The following SUPT5H variants were observed in gnomAD, a reference collection of about 807,000 sequenced individuals.
The protein encoded by SUPT5H is SPT5 homolog, DSIF elongation factor subunit, also known as transcription elongation factor SPT5.
A neutral mutation model predicts 142.5 loss-of-function variants in SUPT5H; 24 were observed. The ratio of observed to expected loss-of-function variants is 0.17; its 90% CI spans 0.12 to 0.24. The LOEUF (loss-of-function observed/expected upper bound fraction) is 0.24, where lower values mean the gene tolerates loss of function less well. SUPT5H is among the 10% of genes least tolerant of loss of function. SUPT5H has a pLI of 1.00. For missense variants in SUPT5H, 893 were observed against 1,471.8 expected, an observed-to-expected ratio of 0.61 and a Z score of 6.43; for synonymous variants, 546 against 553.0, an observed-to-expected ratio of 0.99 and a Z score of 0.18.
intron 10 of SUPT5H, among the ~76,000 whole-genome samples, chr19:39,461,967 C>G (rs2079168983): frequency 6.6e-6 from 1 of 151,714 alleles, no homozygotes; most frequent in Admixed American, 6.6e-5. Flanking sequence ...GAGTTTCACT[C>G]TTGTTGCCCA....
At chr19:39,456,235 CTTTTTTTTTTTA>C (rs2079087744) in intron 3 of SUPT5H, among the ~76,000 whole-genome samples, 1 of 135,300 alleles carries the variant, frequency 7.4e-6, no homozygotes, top group African/African-American at 2.7e-5. Context: ...TTTCTTTTTT[CTTTTTTTTTTTA>C]AAGACAGGAT....
Position 39,473,169 on chromosome 19 carries a change from G to A in SUPT5H, c.2259-34G>A, listed in dbSNP as rs200817619. Reference sequence around the variant, plus strand: ...TGGGGCTTGCTAGGCAGTGAGAGGGGTCTGCTCACCCCATTTGTTCTCTGC... The same window carrying A: ...TGGGGCTTGCTAGGCAGTGAGAGGGATCTGCTCACCCCATTTGTTCTCTGC... On this transcript the variant is annotated intron_variant, in intron 23 of 29. Coordinates refer to ENST00000432763, the MANE Select transcript of SUPT5H (RefSeq NM_001111020.3). The surrounding 1 kb of genome is among the most constrained non-coding windows in gnomAD (Gnocchi z 5.8). 10 of 1,610,744 alleles carry A rather than the reference G, an allele frequency of 6.2e-6. No homozygotes were observed. Among genetic ancestry groups the A allele is most frequent in the African/African-American group, 1.3e-5 (1 of 74,900 alleles).
intron 20 of SUPT5H, chr19:39,471,949 T>C: frequency 3.0e-6 from 2 of 675,592 alleles, no homozygotes; most frequent in Non-Finnish European, 4.7e-6. Context: ...GAGCACCTGT[T>C]AGGTGCCAGA....
intron 14 of SUPT5H, 55 bp downstream of exon 14, chr19:39,468,916 G>A: frequency 1.9e-6 from 3 of 1,577,814 alleles, no homozygotes; most frequent in Non-Finnish European, 2.6e-6. Context: ...TTCTCCTGCA[G>A]GTGATGCCCT....
chr19:39,472,367 C>G lies in SUPT5H; in HGVS notation c.1951-42C>G. ...ATGAGTTCCTGTGGTTTGTGGTTCC[C>G]CCATCCCCTGCCTGCCAGTTCACTC... On this transcript the variant is annotated intron_variant, in intron 20 of 29. Transcript: ENST00000432763. The surrounding 1 kb of genome is among the most constrained non-coding windows in gnomAD (Gnocchi z 4.2). The G allele has an allele frequency of 2.5e-6, 4 of 1,598,164 alleles. No individual in the cohort carries two copies. Among genetic ancestry groups the G allele is most frequent in the Non-Finnish European group, 3.4e-6 (4 of 1,166,386 alleles).
In SUPT5H at chr19:39,472,860, A is replaced by G; in HGVS notation, c.2086A>G (p.Arg696Gly). The change falls in exon 22 of 30, where the codon AGG becomes GGG. Residue 696 changes from arginine (R) to glycine (G), a missense_variant. This residue lies in a region of SUPT5H where 35 missense variants were observed against 29.7 expected (regional missense o/e 1.18). Coordinates refer to ENST00000432763, the MANE Select transcript of SUPT5H (RefSeq NM_001111020.3). The surrounding 1 kb of genome is among the most constrained non-coding windows in gnomAD (Gnocchi z 4.2). Reference protein sequence around the residue: ...SPGGGSGGMSRGRGRRDNELI... With the variant: ...SPGGGSGGMSGGRGRRDNELI... ...AGGTGGCGGCAGTGGTGGCATGAGCAGGGGCCGGGGCCGGAGGGACAACGA... is the reference window on the plus strand; with the variant it reads ...AGGTGGCGGCAGTGGTGGCATGAGCGGGGGCCGGGGCCGGAGGGACAACGA... 6.2e-7 allele frequency: 1 copy of G among 1,613,774 alleles called. No homozygotes were observed. Among genetic ancestry groups the G allele is most frequent in the Non-Finnish European group, 8.5e-7 (1 of 1,179,840 alleles).
rs144812104 is a variant in SUPT5H at position 39,464,959 on chromosome 19, C to T, written c.786C>T (p.Asp262=). ...TGGTGCCCATCAAGGAGATGACAGA[C>T]GTGCTCAAAGTGGTGAAGGAGGTGG... is the stretch of plus-strand genomic sequence containing the variant. ...QQMVPIKEMT[D]VLKVVKEVAN... is the part of the protein sequence containing the mutation. Residue 262 remains aspartate, a synonymous_variant, in exon 11 of 30, where the codon GAC becomes GAT. Transcript: ENST00000432763. The T allele has an allele frequency of 8.1e-5, 130 of 1,614,222 alleles. No individual in the cohort carries two copies. In the African/African-American group the frequency reaches 1.4e-3, roughly 18 times the overall value.
In SUPT5H at chr19:39,469,741, G is replaced by A. The variant is rs975919606; in HGVS notation, c.1374+343G>A. 1 of 492,240 alleles carries A rather than the reference G, an allele frequency of 2.0e-6. No homozygotes were observed. The highest frequency in any genetic ancestry group is 3.7e-6 in the Non-Finnish European group (1 of 268,736). The allele number at this position is 492,240 out of a possible 1,614,324, so 30.5% of individuals were successfully genotyped here. On this transcript the variant is annotated intron_variant, in intron 16 of 29. Coordinates refer to ENST00000432763, the MANE Select transcript of SUPT5H (RefSeq NM_001111020.3). This position sits in a 1 kb window ranked among gnomAD's most constrained non-coding sequence, Gnocchi z 5.1. Reference sequence around the variant, plus strand: ...TAGAGCGGGGTGTGTGTTTGTCTGTGTCTGGTGTATGTCTGAGGGGTTGTG... The same window carrying A: ...TAGAGCGGGGTGTGTGTTTGTCTGTATCTGGTGTATGTCTGAGGGGTTGTG...
chr19:39,465,392 T>C (rs1285296154), intron 11 of SUPT5H, among the ~76,000 whole-genome samples: 1 of 152,202 alleles, frequency 6.6e-6, no homozygotes, highest in Non-Finnish European at 1.5e-5. Context: ...CACGAGGGCC[T>C]GCGGCCCATT....
intron 10 of SUPT5H, among the ~76,000 whole-genome samples, chr19:39,461,289 C>T (rs919158556): frequency 2.0e-5 from 3 of 150,650 alleles, no homozygotes; most frequent in Admixed American, 6.6e-5. Context: ...GACTCCGTCT[C>T]GGGGTGGGTA....
chr19:39,472,055 T>C lies in SUPT5H; in HGVS notation c.1950+325T>C, dbSNP rs1348850499. Among the ~76,000 whole-genome samples, 2 of 152,068 alleles carry C rather than the reference T, an allele frequency of 1.3e-5. No homozygotes were observed. ...AGACAGATAAACCCATCGTACAGCT[T>C]GAGGTGATAGCAAGCGCTGTGAAGA... On this transcript the variant is annotated intron_variant, in intron 20 of 29. Coordinates refer to ENST00000432763, the MANE Select transcript of SUPT5H (RefSeq NM_001111020.3). This position sits in a 1 kb window ranked among gnomAD's most constrained non-coding sequence, Gnocchi z 4.2.
Position 39,474,088 on chromosome 19 carries a change from A to G in SUPT5H, c.2618A>G (p.Gln873Arg). ...PDPSSPQVNP[Q>R]YNPQTPGTPA... ...CCCTCGTCCCCACAGGTCAACCCAC[A>G]ATACAACCCGCAGACGCCAGGGACG... is the stretch of plus-strand genomic sequence containing the variant. The change falls in exon 26 of 30, where the codon CAA becomes CGA. Residue 873 changes from glutamine (Q) to arginine (R), a missense_variant. Physicochemically the swap from Gln to Arg is conservative, Grantham distance 43. Coordinates refer to ENST00000432763, the MANE Select transcript of SUPT5H (RefSeq NM_001111020.3). This position sits in a 1 kb window ranked among gnomAD's most constrained non-coding sequence, Gnocchi z 6.5. The G allele has an allele frequency of 1.9e-6, 3 of 1,604,800 alleles. No homozygotes were observed. Among genetic ancestry groups the G allele is most frequent in the South Asian group, 2.2e-5 (2 of 90,048 alleles).
chr19:39,467,474 G>C (rs2079257762), intron 13 of SUPT5H: 1 of 152,222 alleles, frequency 6.6e-6, no homozygotes, highest in Non-Finnish European at 1.5e-5. Context: ...GAATGCCCTT[G>C]GCACGTAGTA....
chr19:39,462,024 C>T lies in SUPT5H; in HGVS notation c.624+2064C>T, dbSNP rs192606567. 1.8e-4 allele frequency among the ~76,000 whole-genome samples: 28 copies of T among 151,744 alleles called. No homozygotes were observed. The East Asian group carries it at 5.5e-3, about 30-fold the overall frequency. ...TCTCGGCTCACTGCAACCTCTGCCT[C>T]AGCCTCCCGAGTAGCTGGGATTATA... is the stretch of plus-strand genomic sequence containing the variant. On this transcript the variant is annotated intron_variant, in intron 10 of 29. Coordinates refer to ENST00000432763, the MANE Select transcript of SUPT5H (RefSeq NM_001111020.3).
chr19:39,466,799 T>C lies in SUPT5H; in HGVS notation c.1037+54T>C, dbSNP rs1600717398. 5 of 1,584,612 alleles carry C rather than the reference T, an allele frequency of 3.2e-6. No individual in the cohort carries two copies. In the East Asian group the frequency reaches 8.9e-5, roughly 28 times the overall value. ...GGGTCCCCAGGGCCGGTGTGTAGAA[T>C]GTGCCTTTTGCAGGTTCCTCCCCAG... On this transcript the variant is annotated intron_variant, in intron 13 of 29. Transcript: ENST00000432763. The surrounding 1 kb of genome is among the most constrained non-coding windows in gnomAD (Gnocchi z 4.3).
intron 2 of SUPT5H, among the ~76,000 whole-genome samples, chr19:39,452,054 C>T (rs1382624653): frequency 1.3e-5 from 2 of 151,990 alleles, no homozygotes; most frequent in South Asian, 2.1e-4. Context: ...GGCCTAGGCT[C>T]AGATATATGG....
rs1176486623 is a variant in SUPT5H, at chr19:39,469,434, G to C, written c.1374+36G>C. 1 of 1,613,884 alleles carries C rather than the reference G, an allele frequency of 6.2e-7. No homozygotes were observed. The highest frequency in any genetic ancestry group is 8.5e-7 in the Non-Finnish European group (1 of 1,179,900). On this transcript the variant is annotated intron_variant, in intron 16 of 29. Transcript: ENST00000432763. This position sits in a 1 kb window ranked among gnomAD's most constrained non-coding sequence, Gnocchi z 5.1. ...GGTGTTCTCGGGCAGGGGTTGGAGT[G>C]TTCAGGCACATCTGACTGTATGTGG...
chr19:39,475,665 G>A (rs538674280), intron 28 of SUPT5H, among the ~76,000 whole-genome samples: 25 of 152,106 alleles, frequency 1.6e-4, no homozygotes, highest in Non-Finnish European at 3.1e-4. Flanking sequence ...GACCCTCACG[G>A]GCTGAATGGC....
Position 39,456,412 on chromosome 19 carries a change from TG to T in SUPT5H, c.242-1262del, listed in dbSNP as rs778548673. Reference sequence around the variant, plus strand: ...GCCTGACTAGACTGTTTTTTTTTGTTGTTGTTGTTGTTGTTGTTGTTTTTGA... The same window carrying T: ...GCCTGACTAGACTGTTTTTTTTTGTTTTGTTGTTGTTGTTGTTGTTTTTGA... On this transcript the variant is annotated intron_variant, in intron 3 of 29. Coordinates refer to ENST00000432763, the MANE Select transcript of SUPT5H (RefSeq NM_001111020.3). 3.7e-3 allele frequency among the ~76,000 whole-genome samples: 546 copies of T among 147,792 alleles called. 15 individuals are homozygous for T. The East Asian group carries it at 0.051, about 14-fold the overall frequency.
Sources: allele counts gnomAD v4.1 joint callset (sites outside exome capture counted in the v4.1 genomes callset), GRCh38; gene constraint gnomAD v4.1.1; regional missense constraint gnomAD v4.1.1; non-coding constraint Gnocchi (gnomAD v3.1); transcripts MANE v1.5; gene names NCBI Gene and HGNC (gene_info 2026-07-23, HGNC 2026-07-21).